Variants in IRGM observed in about 807,000 individuals in gnomAD.
IRGM encodes the protein immunity-related GTPase family M protein.
For missense variants in IRGM, 288 were observed against 219.9 expected, an observed-to-expected ratio of 1.31 and a Z score of -1.96; for synonymous variants, 98 against 80.6, an observed-to-expected ratio of 1.22 and a Z score of -1.16.
At chr5:150,857,300 A>G (rs1295521166) in intron 1 of IRGM, among the ~76,000 whole-genome samples, 2 of 152,090 alleles carry the variant, frequency 1.3e-5, no homozygotes. Flanking sequence ...CATGTTGTAT[A>G]TGTGCCACAT....
intron 1 of IRGM, among the ~76,000 whole-genome samples, chr5:150,873,358 A>G (rs1350020307): frequency 6.6e-6 from 1 of 152,210 alleles, no homozygotes; most frequent in East Asian, 1.9e-4. Flanking sequence ...AACCCCTTCA[A>G]TGAAGAGGAG....
downstream of IRGM, among the ~76,000 whole-genome samples, chr5:150,901,575 T>G (rs997350570): frequency 3.9e-5 from 6 of 152,078 alleles, no homozygotes; most frequent in Non-Finnish European, 5.9e-5. Context: ...TAAACTCTAC[T>G]GTAAAATATA....
chr5:150,895,866 A>G, intron 3 of IRGM: 1 of 1,613,602 alleles, frequency 6.2e-7, no homozygotes, highest in Non-Finnish European at 8.5e-7. Context: ...CCCAGTATGA[A>G]CTAACTGATG....
At chr5:150,849,555 G>A (rs1418437418), downstream of IRGM, among the ~76,000 whole-genome samples, 1 of 150,936 alleles carries the variant, frequency 6.6e-6, no homozygotes, top group Non-Finnish European at 1.5e-5. Flanking sequence ...TCATCAGGCT[G>A]GATTTTAAAA....
At chr5:150,850,064 A>C (rs1252924712), downstream of IRGM, among the ~76,000 whole-genome samples, 1 of 152,222 alleles carries the variant, frequency 6.6e-6, no homozygotes, top group Admixed American at 6.5e-5. Context: ...AGCATTCATT[A>C]AAAAACCAAA....
At chr5:150,877,922 T>G in intron 1 of IRGM, 4 of 440,332 alleles carry the variant, frequency 9.1e-6, no homozygotes, top group South Asian at 5.0e-5. Context: ...TATACTTTTT[T>G]GTTTGCATGT....
intron 3 of IRGM, among the ~76,000 whole-genome samples, chr5:150,889,341 G>C (rs1754572808): frequency 6.6e-6 from 1 of 151,730 alleles, no homozygotes; most frequent in African/African-American, 2.4e-5. Flanking sequence ...ACTTGTGCAG[G>C]GAAACTCCCC....
At chr5:150,893,240 T>C (rs953319407) in intron 3 of IRGM, among the ~76,000 whole-genome samples, 5 of 152,178 alleles carry the variant, frequency 3.3e-5, no homozygotes, top group African/African-American at 1.2e-4. Context: ...TTTGTCATAA[T>C]TCAAGTGTCT....
At chr5:150,896,567 C>T in intron 3 of IRGM, 1 of 1,613,712 alleles carries the variant, frequency 6.2e-7, no homozygotes, top group Non-Finnish European at 8.5e-7. Flanking sequence ...TGGGCTCACT[C>T]TGGCTAGATG....
rs1009135565 is a variant in IRGM at position 150,847,923 on chromosome 5, C to T, written c.-201C>T. On this transcript the variant is annotated 5_prime_UTR_variant, in exon 2 of 2. Coordinates refer to ENST00000522154, the MANE Select transcript of IRGM (RefSeq NM_001145805.2). Reference sequence around the variant, plus strand: ...GTTCAAGCGATTCCCCTGCCTCAGCCTCCTGTATTAGCTGGGACTACAGGC... The same window carrying T: ...GTTCAAGCGATTCCCCTGCCTCAGCTTCCTGTATTAGCTGGGACTACAGGC... 1 of 549,764 alleles carries T rather than the reference C, an allele frequency of 1.8e-6. No homozygotes were observed. Among genetic ancestry groups the T allele is most frequent in the Non-Finnish European group, 3.2e-6 (1 of 308,036 alleles). 34.1% of individuals were successfully genotyped at this position (549,764 alleles called of 1,614,324 possible).
At chr5:150,873,056 C>T (rs557302004) in intron 1 of IRGM, among the ~76,000 whole-genome samples, 20 of 152,154 alleles carry the variant, frequency 1.3e-4, no homozygotes, top group Non-Finnish European at 2.1e-4. Context: ...CGAGGTGGCA[C>T]GAGCCAAGTG....
At chr5:150,879,765 G>C (rs1303625055) in intron 3 of IRGM, 1 of 152,240 alleles carries the variant, frequency 6.6e-6, no homozygotes, top group Non-Finnish European at 1.5e-5. Flanking sequence ...TGATGGGGTA[G>C]GCCAAGGCAT....
chr5:150,850,137 C>T (rs1475565700), downstream of IRGM, among the ~76,000 whole-genome samples: 1 of 152,154 alleles, frequency 6.6e-6, no homozygotes, highest in African/African-American at 2.4e-5. Context: ...AGAGAGTTTT[C>T]TGTGCTGCTG....
intron 3 of IRGM, among the ~76,000 whole-genome samples, chr5:150,884,963 T>C (rs144710572): frequency 0.011 from 1,672 of 152,286 alleles, 15 homozygotes; most frequent in Non-Finnish European, 0.017. Context: ...TGATTGCTTT[T>C]GGTGTTTTTG....
At chr5:150,889,713 T>A (rs1754579285) in intron 3 of IRGM, among the ~76,000 whole-genome samples, 1 of 152,078 alleles carries the variant, frequency 6.6e-6, no homozygotes, top group Non-Finnish European at 1.5e-5. Flanking sequence ...ACTGTAGGGT[T>A]TTCACTTCCT....
At chr5:150,877,619 T>C (rs1250039212) in intron 1 of IRGM, among the ~76,000 whole-genome samples, 3 of 152,160 alleles carry the variant, frequency 2.0e-5, no homozygotes, top group Admixed American at 1.3e-4. Flanking sequence ...GTTATTATTA[T>C]TCCCCTTTTA....
downstream of IRGM, among the ~76,000 whole-genome samples, chr5:150,901,271 T>C (rs75003995): frequency 2.0e-3 from 312 of 152,240 alleles, 1 homozygote; most frequent in African/African-American, 6.9e-3. Context: ...AAGTTTACAT[T>C]TTCTAGGAAC....
At chr5:150,868,703 T>C (rs1754240188) in intron 1 of IRGM, among the ~76,000 whole-genome samples, 1 of 152,118 alleles carries the variant, frequency 6.6e-6, no homozygotes, top group Admixed American at 6.5e-5. Context: ...TGGTTAGGTA[T>C]ATTCCTAAGT....
chr5:150,891,109 A>C (rs1754602808), intron 3 of IRGM, among the ~76,000 whole-genome samples: 1 of 152,008 alleles, frequency 6.6e-6, no homozygotes, highest in South Asian at 2.1e-4. Context: ...TGTATGGTGA[A>C]GCTCTGCTAT....
Sources: allele counts gnomAD v4.1 joint callset (sites outside exome capture counted in the v4.1 genomes callset), GRCh38; gene constraint gnomAD v4.1.1; transcripts MANE v1.5; gene names NCBI Gene and HGNC (gene_info 2026-07-23, HGNC 2026-07-21).